NKAIN2: variants seen among roughly 807,000 people sequenced by gnomAD.
NKAIN2 encodes sodium/potassium transporting ATPase interacting 2.
Under a neutral mutation model 32.6 loss-of-function variants are expected in NKAIN2, and 14 were observed. The ratio of observed to expected loss-of-function variants is 0.43; its 90% CI spans 0.28 to 0.67. NKAIN2 has a LOEUF of 0.67. Ranked by LOEUF, NKAIN2 falls within the 30% of genes least tolerant of loss-of-function variation. NKAIN2 has a pLI of 0.17. For missense variants in NKAIN2, 198 were observed against 258.3 expected, an observed-to-expected ratio of 0.77 and a Z score of 1.60; for synonymous variants, 80 against 87.2, an observed-to-expected ratio of 0.92 and a Z score of 0.46.
chr6:124,603,974 G>C (rs918145047), intron 3 of NKAIN2, among the ~76,000 whole-genome samples: 3 of 152,012 alleles, frequency 2.0e-5, no homozygotes, highest in Admixed American at 6.6e-5. Context: ...TTTGGGTTTT[G>C]CTGCCATCAG....
intron 1 of NKAIN2, among the ~76,000 whole-genome samples, chr6:123,851,244 A>ATTTTTTTTTTTT (rs59287833): frequency 2.3e-5 from 2 of 88,196 alleles, no homozygotes; most frequent in Admixed American, 1.6e-4. Flanking sequence ...TGGTGGTTCT[A>ATTTTTTTTTTTT]TTTTTTTTTT....
rs542923211 is a variant in NKAIN2 at position 124,486,203 on chromosome 6, T to C, written c.273+130856T>C. On this transcript the variant is annotated intron_variant, in intron 3 of 6. Coordinates refer to ENST00000368417, the MANE Select transcript of NKAIN2 (RefSeq NM_001040214.3). ...TGCTGTGTTTTTTCTAAAACTCTTG[T>C]TGGCTGAAAGAAACGTGACGTCTGT... is the stretch of plus-strand genomic sequence containing the variant. Among the ~76,000 whole-genome samples, 3 of 152,324 alleles carry C rather than the reference T, an allele frequency of 2.0e-5. No homozygotes were observed. The South Asian group carries it at 6.2e-4, about 32-fold the overall frequency.
At chr6:124,503,445 C>T (rs949165911) in intron 3 of NKAIN2, among the ~76,000 whole-genome samples, 10 of 151,754 alleles carry the variant, frequency 6.6e-5, no homozygotes, top group East Asian at 1.9e-4. Flanking sequence ...AAATATAGCC[C>T]GAAAGTAGCT....
chr6:124,077,950 T>A (rs959388604), intron 1 of NKAIN2, among the ~76,000 whole-genome samples: 2 of 152,124 alleles, frequency 1.3e-5, no homozygotes, highest in African/African-American at 4.8e-5. Flanking sequence ...AAACTAAAAG[T>A]TTAGGGAATT....
At chr6:124,463,412 CTT>C (rs1776611912) in intron 3 of NKAIN2, among the ~76,000 whole-genome samples, 1 of 152,056 alleles carries the variant, frequency 6.6e-6, no homozygotes, top group Admixed American at 6.6e-5. Flanking sequence ...TTCTAAACCT[CTT>C]AACCTGCCAA....
At chr6:124,118,370 A>G (rs1785718554) in intron 1 of NKAIN2, among the ~76,000 whole-genome samples, 1 of 152,212 alleles carries the variant, frequency 6.6e-6, no homozygotes, top group African/African-American at 2.4e-5. Flanking sequence ...GATGCTCTGC[A>G]ATGTAAATTG....
chr6:124,608,064 T>A (rs1288445190), intron 3 of NKAIN2, among the ~76,000 whole-genome samples: 1 of 152,142 alleles, frequency 6.6e-6, no homozygotes, highest in African/African-American at 2.4e-5. Flanking sequence ...CCATCATAAG[T>A]TGAAAAGTGT....
chr6:124,684,414 C>G (rs1773764139), intron 4 of NKAIN2, among the ~76,000 whole-genome samples: 1 of 152,096 alleles, frequency 6.6e-6, no homozygotes, highest in Non-Finnish European at 1.5e-5. Context: ...CTGTGTGATG[C>G]AGTTCAGCAA....
At chr6:124,780,763 T>C (rs1366947458) in intron 4 of NKAIN2, among the ~76,000 whole-genome samples, 2 of 152,212 alleles carry the variant, frequency 1.3e-5, no homozygotes, top group African/African-American at 4.8e-5. Flanking sequence ...AGCAGTAAAC[T>C]GAAGACAATT....
At chr6:124,490,025 G>C (rs1777799259) in intron 3 of NKAIN2, among the ~76,000 whole-genome samples, 1 of 151,782 alleles carries the variant, frequency 6.6e-6, no homozygotes, top group Non-Finnish European at 1.5e-5. Flanking sequence ...ATAATTGAAT[G>C]TTTGGTATGG....
At chr6:124,071,182 G>C (rs1783446296) in intron 1 of NKAIN2, among the ~76,000 whole-genome samples, 1 of 152,128 alleles carries the variant, frequency 6.6e-6, no homozygotes, top group South Asian at 2.1e-4. Context: ...TCTGATCTTT[G>C]AGAAAGTCAA....
intron 1 of NKAIN2, among the ~76,000 whole-genome samples, chr6:124,280,148 G>C (rs747831433): frequency 6.6e-6 from 1 of 152,078 alleles, no homozygotes; most frequent in Non-Finnish European, 1.5e-5. Flanking sequence ...TATGTCAGAT[G>C]ATTACAAGGA....
chr6:124,567,065 C>T (rs1428405058), intron 3 of NKAIN2, among the ~76,000 whole-genome samples: 1 of 152,198 alleles, frequency 6.6e-6, no homozygotes, highest in Non-Finnish European at 1.5e-5. Context: ...TTAACATTTT[C>T]CCAATTGAAT....
intron 1 of NKAIN2, among the ~76,000 whole-genome samples, chr6:123,999,293 A>C (rs556711092): frequency 3.9e-5 from 6 of 152,294 alleles, no homozygotes; most frequent in Admixed American, 3.3e-4. Flanking sequence ...ATGTTGTAGA[A>C]GATAGAGCTA....
intron 4 of NKAIN2, among the ~76,000 whole-genome samples, chr6:124,744,634 C>T (rs115608062): frequency 6.6e-6 from 1 of 151,848 alleles, no homozygotes; most frequent in African/African-American, 2.4e-5. Context: ...TTCCCAGCCA[C>T]TTCGAAAGTA....
intron 4 of NKAIN2, among the ~76,000 whole-genome samples, chr6:124,713,503 T>G (rs1353215370): frequency 6.6e-6 from 1 of 152,162 alleles, no homozygotes; most frequent in African/African-American, 2.4e-5. Context: ...AAAGTTGCAT[T>G]AAAGGATCTA....
intron 1 of NKAIN2, among the ~76,000 whole-genome samples, chr6:124,060,914 C>T (rs1782893582): frequency 2.0e-5 from 3 of 151,846 alleles, no homozygotes; most frequent in South Asian, 4.2e-4. Context: ...AAAAATACTA[C>T]AATACGAGAA....
chr6:124,195,568 G>A (rs1790273892), intron 1 of NKAIN2, among the ~76,000 whole-genome samples: 1 of 152,124 alleles, frequency 6.6e-6, no homozygotes, highest in African/African-American at 2.4e-5. Flanking sequence ...ATCCCAAAGA[G>A]TTGAGAGATT....
chr6:124,126,587 AC>A (rs869038875), intron 1 of NKAIN2, among the ~76,000 whole-genome samples: 2 of 23,114 alleles, frequency 8.7e-5, no homozygotes, highest in Admixed American at 4.4e-4. Flanking sequence ...CTACTGGAGG[AC>A]ACTGATTTAG....
Sources: gnomAD v4.1 joint callset for allele counts (sites outside exome capture counted in the v4.1 genomes callset) on GRCh38, gnomAD v4.1.1 for gene constraint, MANE v1.5 for transcripts, NCBI Gene and HGNC (gene_info 2026-07-23, HGNC 2026-07-21) for gene names.